Variants in ZNF320 observed in about 807,000 individuals in gnomAD.
The protein encoded by ZNF320 is zinc finger gene 320.
In ZNF320, 2 loss-of-function variants were observed where a neutral mutation model predicts 6.8. The observed-to-expected ratio is 0.29, with a 90% CI of 0.12 to 0.93. ZNF320 has a LOEUF of 0.93. ZNF320 is among the 40% of genes least tolerant of loss of function. The probability of loss-of-function intolerance (pLI) is 0.55; values close to 1 mark genes in which losing one functional copy is unlikely to be tolerated. For synonymous variants in ZNF320, 208 were observed against 203.2 expected (o/e 1.02, Z -0.20); for missense variants, 472 against 611.0 (o/e 0.77, Z 2.40).
rs1414603231 is a variant in ZNF320, at chr19:52,878,453, G to T, written c.*2143C>A. 6.6e-6 allele frequency: 1 copy of T among 152,010 alleles called. No homozygotes were observed. The highest frequency in any genetic ancestry group is 6.6e-5 in the Admixed American group (1 of 15,254). 9.4% of individuals were successfully genotyped at this position (152,010 alleles called of 1,614,324 possible). On this transcript the variant is annotated 3_prime_UTR_variant, in exon 6 of 6. Transcript: ENST00000682928. ...TTTAGTAGAGATGGGGTTTCACCGT[G>T]TTAGCCAGGATTTTCTCGATCTCCT...
chr19:52,900,088 C>G (rs1042848290), upstream of ZNF320, among the ~76,000 whole-genome samples: 67 of 152,272 alleles, frequency 4.4e-4, no homozygotes, highest in African/African-American at 1.6e-3. Context: ...AATTACACAG[C>G]TACCTGTCCA....
At chr19:52,897,030 G>A (rs180934904) in intron 1 of ZNF320, among the ~76,000 whole-genome samples, 14 of 152,364 alleles carry the variant, frequency 9.2e-5, no homozygotes, top group Admixed American at 8.5e-4. Flanking sequence ...TCCAGATAAG[G>A]GGTAGCCCAT....
At chr19:52,866,070 ATATATGATTATACATATATTTATATATG>A (rs1428813241) in intron 5 of ZNF320, among the ~76,000 whole-genome samples, 9 of 125,832 alleles carry the variant, frequency 7.2e-5, no homozygotes, top group Non-Finnish European at 1.2e-4. Flanking sequence ...ATATATTTAT[ATATATGATTATACATATATTTATATATG>A]TATGATTATA....
rs149561496 is a variant in ZNF320, at chr19:52,880,886, C to T, written c.1240G>A (p.Glu414Lys). 104 of 1,613,592 alleles carry T rather than the reference C, an allele frequency of 6.4e-5. No individual in the cohort carries two copies. The African/African-American group carries it at 9.9e-4, about 15-fold the overall frequency. ...TAAACTTTGTCACATTCTTCACATTCGTAAAGTTTCTCTCCAGTATGAAGT... is the reference window on the plus strand; with the variant it reads ...TAAACTTTGTCACATTCTTCACATTTGTAAAGTTTCTCTCCAGTATGAAGT... ...QKLHTGEKLY[E>K]CEECDKVYIR... The change falls in exon 6 of 6, where the codon GAA (glutamate) becomes AAA (lysine). Residue 414 changes from glutamate (E) to lysine (K), a missense_variant. Coordinates refer to ENST00000682928, the MANE Select transcript of ZNF320 (RefSeq NM_001351774.2).
intron 5 of ZNF320, among the ~76,000 whole-genome samples, chr19:52,884,577 C>T (rs969166335): frequency 3.3e-5 from 5 of 152,142 alleles, no homozygotes; most frequent in Admixed American, 6.5e-5. Context: ...CTCAGCCTCC[C>T]AAAGTGCTGG....
exon 6 of ZNF320, chr19:52,864,062 C>G (rs1481831400): frequency 2.0e-6 from 1 of 503,692 alleles, no homozygotes; most frequent in Non-Finnish European, 3.9e-6. Context: ...GTAGTTCTCC[C>G]ACATCACAGC....
At chr19:52,868,234 C>T (rs184642248) in intron 5 of ZNF320, among the ~76,000 whole-genome samples, 4 of 152,012 alleles carry the variant, frequency 2.6e-5, no homozygotes, top group African/African-American at 9.7e-5. Flanking sequence ...CATCCAGGCG[C>T]AGTGGCTCAC....
At position 52,880,427 on chromosome 19, in the gene ZNF320, A is replaced by G. The variant is rs1341920397; in HGVS notation, c.*169T>C. On this transcript the variant is annotated 3_prime_UTR_variant, in exon 6 of 6. Coordinates refer to ENST00000682928, the MANE Select transcript of ZNF320 (RefSeq NM_001351774.2). The stretch of plus-strand genomic sequence containing the variant: ...TGTTGGCCAGGCTGGTCTCAAATTC[A>G]TGACCTCAAGTGACCTACCTGTCTT... 2 of 573,112 alleles carry G rather than the reference A, an allele frequency of 3.5e-6. No homozygotes were observed. Among genetic ancestry groups the G allele is most frequent in the Non-Finnish European group, 5.9e-6 (2 of 341,442 alleles). The allele number at this position is 573,112 out of a possible 1,614,324, so 35.5% of individuals were successfully genotyped here.
chr19:52,872,487 G>A (rs1282410489), downstream of ZNF320, among the ~76,000 whole-genome samples: 1 of 152,118 alleles, frequency 6.6e-6, no homozygotes, highest in Non-Finnish European at 1.5e-5. Flanking sequence ...CGACCTCTGA[G>A]TTCCCTCAGT....
chr19:52,862,319 C>T, exon 6 of ZNF320: 1 of 537,332 alleles, frequency 1.9e-6, no homozygotes, highest in Admixed American at 2.0e-5. Context: ...GTGAATCACA[C>T]CCAAAATCCT....
upstream of ZNF320, among the ~76,000 whole-genome samples, chr19:52,900,980 T>C (rs1349479871): frequency 6.6e-6 from 1 of 152,160 alleles, no homozygotes; most frequent in African/African-American, 2.4e-5. Context: ...TGCTGCTTAC[T>C]ATCAATAGTG....
upstream of ZNF320, among the ~76,000 whole-genome samples, chr19:52,900,132 G>C (rs895748852): frequency 1.3e-5 from 2 of 152,286 alleles, no homozygotes; most frequent in South Asian, 4.1e-4. Context: ...CTCTGTCTAT[G>C]TATCTGGTAT....
At chr19:52,888,593 G>C (rs1304459051) in intron 4 of ZNF320, among the ~76,000 whole-genome samples, 4 of 102,060 alleles carry the variant, frequency 3.9e-5, no homozygotes, top group East Asian at 4.6e-4. Flanking sequence ...TTGCACCAAG[G>C]CATTCTAGCC....
chr19:52,866,102 G>A lies in ZNF320; in HGVS notation c.224-1943C>T, dbSNP rs867554369. Among the ~76,000 whole-genome samples the A allele has an allele frequency of 2.4e-5, 2 of 84,232 alleles. 1 individual carries two copies. Among genetic ancestry groups the A allele is most frequent in the African/African-American group, 1.3e-4 (2 of 15,684 alleles). The allele number at this position is 84,232 out of a possible 152,430, so 55.3% of individuals were successfully genotyped here. On this transcript the variant is annotated intron_variant, in intron 5 of 5. Transcript: ENST00000673631. ...ATTATACATATATTTATATATGTATGATTATACATATATTTATATATGTAT... is the reference window on the plus strand; with the variant it reads ...ATTATACATATATTTATATATGTATAATTATACATATATTTATATATGTAT...
At chr19:52,900,426 G>A (rs1448569207), upstream of ZNF320, among the ~76,000 whole-genome samples, 2 of 152,118 alleles carry the variant, frequency 1.3e-5, no homozygotes, top group East Asian at 3.9e-4. Context: ...AATTCATCAG[G>A]AACTGGGTTT....
At chr19:52,889,789 A>G (rs1304017213) in intron 4 of ZNF320, among the ~76,000 whole-genome samples, 4 of 152,190 alleles carry the variant, frequency 2.6e-5, no homozygotes, top group Non-Finnish European at 2.9e-5. Context: ...TTACCTAAAA[A>G]TGTACTATAA....
In ZNF320 at chr19:52,890,185, C is replaced by T. The variant is rs947843186; in HGVS notation, c.15+56G>A. 6.3e-6 allele frequency: 10 copies of T among 1,597,166 alleles called. No individual in the cohort carries two copies. The South Asian group carries it at 6.6e-5, about 11-fold the overall frequency. ...CTAAGAGAAGATTCCCAACTCCAGGCGCCAGCATTTCTGAAAGGAAGGAGA... is the reference window on the plus strand; with the variant it reads ...CTAAGAGAAGATTCCCAACTCCAGGTGCCAGCATTTCTGAAAGGAAGGAGA... On this transcript the variant is annotated intron_variant, in intron 4 of 5. Transcript: ENST00000682928.
intron 1 of ZNF320, among the ~76,000 whole-genome samples, chr19:52,896,387 G>A (rs2064473600): frequency 6.6e-6 from 1 of 152,146 alleles, no homozygotes; most frequent in Non-Finnish European, 1.5e-5. Flanking sequence ...CATTGCACAC[G>A]GCCTTTATTT....
chr19:52,861,252 C>T (rs920516772), exon 6 of ZNF320, among the ~76,000 whole-genome samples: 1 of 151,860 alleles, frequency 6.6e-6, no homozygotes, highest in Non-Finnish European at 1.5e-5. Flanking sequence ...TTAAGAAAAC[C>T]GTTCCATTTG....
Sources: gnomAD v4.1 joint callset for allele counts (sites outside exome capture counted in the v4.1 genomes callset) on GRCh38, gnomAD v4.1.1 for gene constraint, MANE v1.5 for transcripts, NCBI Gene and HGNC (gene_info 2026-07-23, HGNC 2026-07-21) for gene names.